Variants in COL4A4 observed in about 807,000 individuals in gnomAD.
The protein encoded by COL4A4 is collagen alpha-4(IV) chain.
A neutral mutation model predicts 192.9 loss-of-function variants in COL4A4; 105 were observed. The ratio of observed to expected loss-of-function variants is 0.54; its 90% CI spans 0.46 to 0.64. COL4A4 has a LOEUF of 0.64. Ranked by LOEUF, COL4A4 falls within the 30% of genes least tolerant of loss-of-function variation. The pLI, the probability that COL4A4 is intolerant of heterozygous loss-of-function variation, is 0.00. For missense variants in COL4A4, 1,967 were observed against 2,169.3 expected (o/e 0.91, Z 1.85); for synonymous variants, 762 against 769.9 (o/e 0.99, Z 0.17).
chr2:227,150,705 G>A (rs937835638), intron 1 of COL4A4, among the ~76,000 whole-genome samples: 2 of 152,114 alleles, frequency 1.3e-5, no homozygotes, highest in South Asian at 2.1e-4. Context: ...GAGACAGAAG[G>A]AGTACTGAGC....
chr2:227,041,872 AAGAAAG>A (rs1315340318), intron 37 of COL4A4, among the ~76,000 whole-genome samples: 1 of 128,594 alleles, frequency 7.8e-6, no homozygotes, highest in Non-Finnish European at 1.7e-5. Flanking sequence ...GAAAGAAAGA[AAGAAAG>A]AAAGAAAGAA....
chr2:227,100,564 C>T (rs371355938), intron 17 of COL4A4, among the ~76,000 whole-genome samples: 9 of 152,164 alleles, frequency 5.9e-5, no homozygotes, highest in South Asian at 2.1e-4. Flanking sequence ...TAAGATATGG[C>T]GTGTGTAAGT....
chr2:227,029,912 T>C (rs905360113), intron 41 of COL4A4, among the ~76,000 whole-genome samples: 1 of 152,168 alleles, frequency 6.6e-6, no homozygotes, highest in Admixed American at 6.5e-5. Context: ...ACATGGCTAG[T>C]TAGCACTTGA....
chr2:227,036,604 T>C (rs555942022), intron 37 of COL4A4, among the ~76,000 whole-genome samples: 49 of 152,334 alleles, frequency 3.2e-4, no homozygotes, highest in Non-Finnish European at 6.3e-4. Context: ...ATATTTTTTG[T>C]ATCAGCAAAT....
At chr2:227,024,508 A>C (rs1472752039) in intron 43 of COL4A4, among the ~76,000 whole-genome samples, 1 of 152,244 alleles carries the variant, frequency 6.6e-6, no homozygotes, top group African/African-American at 2.4e-5. Context: ...TTAAATAAAA[A>C]TAAAAGATAT....
chr2:227,109,249 C>G lies in COL4A4; in HGVS notation c.632G>C (p.Gly211Ala), dbSNP rs771573074. Residue 211 changes from glycine (G) to alanine (A), a missense_variant, in exon 10 of 48, where the codon GGA (glycine) becomes GCA (alanine). Coordinates refer to ENST00000396625, the MANE Select transcript of COL4A4 (RefSeq NM_000092.5). ...WGAGGPAGPT[G>A]YPGEPGLVGP... The stretch of plus-strand genomic sequence containing the variant: ...CACTAACCCTGGCTCTCCAGGATAT[C>G]CTGTGGGACCTGCCGGTCCTCCTGC... 6.2e-7 allele frequency: 1 copy of G among 1,614,024 alleles called. No individual in the cohort carries two copies. The highest frequency in any genetic ancestry group is 1.3e-5 in the African/African-American group (1 of 74,904).
At chr2:226,989,353 A>C in the COL4A4 span, among the ~76,000 whole-genome samples, 1 of 152,210 alleles carries the variant, frequency 6.6e-6, no homozygotes, top group East Asian at 1.9e-4. Flanking sequence ...TATAGTTAGA[A>C]ATCAGGATCA....
chr2:227,015,884 C>T (rs543403096), intron 44 of COL4A4, among the ~76,000 whole-genome samples: 80 of 152,242 alleles, frequency 5.3e-4, no homozygotes, highest in African/African-American at 1.9e-3. Context: ...GAAAAATATA[C>T]AGGCAATTGT....
rs754523110 is a variant in COL4A4 at position 227,059,483 on chromosome 2, G to A, written c.2305C>T (p.Pro769Ser). ...PGDPAFGHLG[P>S]PGKRGLSGVP... ...CCTGAAAGACCCCTCTTTCCCGGGG[G>A]TCCCAGGTGACCAAATGCAGGGTCT... is the stretch of plus-strand genomic sequence containing the variant. The change falls in exon 28 of 48, where the codon CCC (proline) becomes TCC (serine). Residue 769 changes from proline to serine, a missense_variant. Coordinates refer to ENST00000396625, the MANE Select transcript of COL4A4 (RefSeq NM_000092.5). The A allele has an allele frequency of 6.2e-7, 1 of 1,614,078 alleles. No individual in the cohort carries two copies. Among genetic ancestry groups the A allele is most frequent in the Non-Finnish European group, 8.5e-7 (1 of 1,180,004 alleles).
intron 41 of COL4A4, among the ~76,000 whole-genome samples, chr2:227,030,132 G>A (rs966119356): frequency 2.0e-5 from 3 of 151,608 alleles, no homozygotes; most frequent in African/African-American, 7.3e-5. Flanking sequence ...AAGTTCACTT[G>A]TTTTTACTTG....
At chr2:227,136,266 C>T (rs2062807976) in intron 4 of COL4A4, among the ~76,000 whole-genome samples, 1 of 152,170 alleles carries the variant, frequency 6.6e-6, no homozygotes, top group Admixed American at 6.5e-5. Flanking sequence ...TGCTAGGGGG[C>T]TCTGGCAGGG....
chr2:227,096,342 G>A (rs1031429765), intron 19 of COL4A4, among the ~76,000 whole-genome samples: 2 of 152,158 alleles, frequency 1.3e-5, no homozygotes, highest in Non-Finnish European at 2.9e-5. Flanking sequence ...GAGAGGTACT[G>A]TACTGATTGC....
At chr2:227,140,782 T>C (rs2063148201) in intron 3 of COL4A4, among the ~76,000 whole-genome samples, 1 of 152,070 alleles carries the variant, frequency 6.6e-6, no homozygotes, top group African/African-American at 2.4e-5. Context: ...AGATGGTTTC[T>C]CTAATGTGTT....
chr2:227,145,499 T>C (rs1228393496), intron 2 of COL4A4, among the ~76,000 whole-genome samples: 1 of 152,106 alleles, frequency 6.6e-6, no homozygotes, highest in Non-Finnish European at 1.5e-5. Flanking sequence ...TTCTAGACCT[T>C]ATATTTGTCA....
chr2:227,150,585 G>A (rs1484198306), intron 1 of COL4A4, among the ~76,000 whole-genome samples: 1 of 152,080 alleles, frequency 6.6e-6, no homozygotes, highest in Non-Finnish European at 1.5e-5. Context: ...CCTGAGACTG[G>A]GTAATTTATA....
intron 8 of COL4A4, among the ~76,000 whole-genome samples, chr2:227,112,305 G>C (rs1282176770): frequency 6.8e-6 from 1 of 146,966 alleles, no homozygotes; most frequent in Non-Finnish European, 1.5e-5. Context: ...TCTCGCTCTT[G>C]TCACCCAGGC....
chr2:227,012,410 T>C (rs960096807), intron 44 of COL4A4, 113 bp from the exon 45 acceptor site: 10 of 790,928 alleles, frequency 1.3e-5, no homozygotes, highest in Admixed American at 7.6e-5. Context: ...CTTCCCACTT[T>C]GACTGAATGC....
At chr2:227,044,002 T>C (rs1474787279) in intron 35 of COL4A4, among the ~76,000 whole-genome samples, 1 of 152,228 alleles carries the variant, frequency 6.6e-6, no homozygotes, top group Non-Finnish European at 1.5e-5. Flanking sequence ...CTTCAATTTC[T>C]AAAAATTTAA....
rs1164832120 is a variant in COL4A4 at position 227,041,638 on chromosome 2, C to G, written c.3505+510G>C. Among the ~76,000 whole-genome samples, 7 of 91,058 alleles carry G rather than the reference C, an allele frequency of 7.7e-5. No individual in the cohort carries two copies. The South Asian group carries it at 2.5e-3, about 33-fold the overall frequency. 59.7% of individuals were successfully genotyped at this position (91,058 alleles called of 152,430 possible). On this transcript the variant is annotated intron_variant, in intron 37 of 47. Coordinates refer to ENST00000396625, the MANE Select transcript of COL4A4 (RefSeq NM_000092.5). Reference sequence around the variant, plus strand: ...CCTGGGTGACAGAGCAAGACACCATCAAAAAAAAAGAAAAAAGAAAAGGAA... The same window carrying G: ...CCTGGGTGACAGAGCAAGACACCATGAAAAAAAAAGAAAAAAGAAAAGGAA...
Sources: allele counts gnomAD v4.1 joint callset (sites outside exome capture counted in the v4.1 genomes callset), GRCh38; gene constraint gnomAD v4.1.1; transcripts MANE v1.5; gene names NCBI Gene and HGNC (gene_info 2026-07-23, HGNC 2026-07-21).